CPQ: variants seen among roughly 807,000 people sequenced by gnomAD.
CPQ encodes the protein carboxypeptidase Q, also known as Ser-Met dipeptidase.
Under a neutral mutation model 45.7 loss-of-function variants are expected in CPQ, and 37 were observed. The observed-to-expected ratio is 0.81, with a 90% CI of 0.62 to 1.07. The LOEUF (loss-of-function observed/expected upper bound fraction) is 1.07. Ranked by LOEUF, CPQ falls within the 50% of genes least tolerant of loss-of-function variation. CPQ has a pLI of 0.00. For synonymous variants in CPQ, 186 were observed against 205.8 expected (o/e 0.90, Z 0.82); for missense variants, 537 against 572.9 (o/e 0.94, Z 0.64).
intron 6 of CPQ, among the ~76,000 whole-genome samples, chr8:97,053,618 G>C (rs926414011): frequency 6.6e-6 from 1 of 152,188 alleles, no homozygotes; most frequent in Non-Finnish European, 1.5e-5. Flanking sequence ...AGTAGGACAA[G>C]AAGTCAATAT....
In CPQ at chr8:97,099,115, C is replaced by CTTTTTTTTT. The variant is rs34830752; in HGVS notation, c.1255+32924_1255+32932dup. Among the ~76,000 whole-genome samples the CTTTTTTTTT allele has an allele frequency of 3.5e-4, 23 of 66,340 alleles. 2 individuals carry two copies. Among genetic ancestry groups the CTTTTTTTTT allele is most frequent in the African/African-American group, 5.5e-4 (9 of 16,260 alleles). The allele number at this position is 66,340 out of a possible 152,430, so 43.5% of individuals were successfully genotyped here. ...GAAGTCCCAAAACTCCCTTCTCTCT[C>CTTTTTTTTT]TTTTTTTTTTTTTTTTTTTTTTTTT... On this transcript the variant is annotated intron_variant, in intron 7 of 7. Transcript: ENST00000220763.
At chr8:96,733,074 A>G (rs548597398) in intron 1 of CPQ, among the ~76,000 whole-genome samples, 11 of 152,304 alleles carry the variant, frequency 7.2e-5, no homozygotes, top group Middle Eastern at 3.4e-3. Flanking sequence ...CTAAACAAAC[A>G]CAAAGGCATT....
At chr8:96,873,940 A>G (rs1051729258) in intron 3 of CPQ, among the ~76,000 whole-genome samples, 1 of 151,896 alleles carries the variant, frequency 6.6e-6, no homozygotes, top group Non-Finnish European at 1.5e-5. Context: ...ACTGCCTGAC[A>G]TGAAGGGAGT....
At chr8:96,762,821 T>C (rs1299857684) in intron 1 of CPQ, among the ~76,000 whole-genome samples, 1 of 152,208 alleles carries the variant, frequency 6.6e-6, no homozygotes, top group South Asian at 2.1e-4. Flanking sequence ...TAGAAGTTTT[T>C]ATGATTTAGA....
In CPQ at chr8:96,891,685, G is replaced by A. The variant is rs1449892001; in HGVS notation, c.849+11680G>A. 2.0e-5 allele frequency among the ~76,000 whole-genome samples: 3 copies of A among 152,272 alleles called. No individual in the cohort carries two copies. The East Asian group carries it at 5.8e-4, about 29-fold the overall frequency. On this transcript the variant is annotated intron_variant, in intron 4 of 7. Transcript: ENST00000220763. ...TTTCACAGTTTTTGACCACTCAGAG[G>A]TCCATCCTTAAAATTTTGTATATAC...
In CPQ at chr8:96,984,965, T is replaced by C. The variant is rs1001775571; in HGVS notation, c.961+18919T>C. 1.5e-4 allele frequency among the ~76,000 whole-genome samples: 23 copies of C among 152,222 alleles called. 1 individual carries two copies. The highest frequency in any genetic ancestry group is 2.6e-4 in the Admixed American group (4 of 15,278). On this transcript the variant is annotated intron_variant, in intron 5 of 7. Coordinates refer to ENST00000220763, the MANE Select transcript of CPQ (RefSeq NM_016134.4). Reference sequence around the variant, plus strand: ...TACCTTCTTCCTGAAGTAGGACTCATAGTAGTTCCTTTAATAGAGTTCTGT... The same window carrying C: ...TACCTTCTTCCTGAAGTAGGACTCACAGTAGTTCCTTTAATAGAGTTCTGT...
At chr8:96,791,993 T>G (rs909012700) in intron 2 of CPQ, among the ~76,000 whole-genome samples, 1 of 152,202 alleles carries the variant, frequency 6.6e-6, no homozygotes, top group Admixed American at 6.5e-5. Context: ...CAACTATATG[T>G]GATGGAGTAG....
chr8:96,842,946 C>T (rs188105587), intron 3 of CPQ, among the ~76,000 whole-genome samples: 10 of 152,010 alleles, frequency 6.6e-5, no homozygotes, highest in Admixed American at 5.9e-4. Flanking sequence ...CTCTTGTTGC[C>T]CAGGCTGCAG....
intron 7 of CPQ, among the ~76,000 whole-genome samples, chr8:97,140,067 A>G (rs529480123): frequency 6.6e-6 from 1 of 152,030 alleles, no homozygotes; most frequent in East Asian, 1.9e-4. Context: ...AAAAGAGGGC[A>G]TCACTATAGA....
At chr8:96,814,099 T>C (rs1051453045) in intron 2 of CPQ, among the ~76,000 whole-genome samples, 1 of 151,996 alleles carries the variant, frequency 6.6e-6, no homozygotes, top group African/African-American at 2.4e-5. Flanking sequence ...AATAACGTAT[T>C]TTGGGGGGCA....
At position 96,751,134 on chromosome 8, in the gene CPQ, T is replaced by C. The variant is rs183424423; in HGVS notation, c.-34-33730T>C. On this transcript the variant is annotated intron_variant, in intron 1 of 7. Transcript: ENST00000220763. ...ATCTTTATAATGGAATGATTTATAT[T>C]CCTTTGGTTATATACCCAGTAATGG... Among the ~76,000 whole-genome samples, 985 of 152,342 alleles carry C rather than the reference T, an allele frequency of 6.5e-3. 11 individuals are homozygous for C. Among genetic ancestry groups the C allele is most frequent in the African/African-American group, 0.022 (912 of 41,586 alleles).
intron 1 of CPQ, among the ~76,000 whole-genome samples, chr8:96,778,304 C>T (rs1309725317): frequency 6.6e-6 from 1 of 152,006 alleles, no homozygotes; most frequent in African/African-American, 2.4e-5. Flanking sequence ...TAATGAAAAA[C>T]TACCTTAGTT....
chr8:96,736,569 T>G (rs1288425725), intron 1 of CPQ, among the ~76,000 whole-genome samples: 1 of 152,206 alleles, frequency 6.6e-6, no homozygotes, highest in African/African-American at 2.4e-5. Flanking sequence ...CTGGTAAATG[T>G]GTATTGTTGC....
chr8:97,026,438 C>A (rs867805381), intron 5 of CPQ, among the ~76,000 whole-genome samples: 5 of 152,116 alleles, frequency 3.3e-5, no homozygotes, highest in Admixed American at 2.0e-4. Flanking sequence ...CTTTCTGTAC[C>A]CTACACCGTC....
intron 4 of CPQ, among the ~76,000 whole-genome samples, chr8:96,953,337 A>AC (rs1813299205): frequency 6.6e-6 from 1 of 152,016 alleles, no homozygotes; most frequent in Non-Finnish European, 1.5e-5. Context: ...TTGGCAGCTT[A>AC]TCCTCTGGGG....
At chr8:96,985,268 TG>T (rs1180781791) in intron 5 of CPQ, among the ~76,000 whole-genome samples, 1 of 123,082 alleles carries the variant, frequency 8.1e-6, no homozygotes, top group African/African-American at 3.6e-5. Flanking sequence ...GGAGCTCTTA[TG>T]TTTTTTTTTT....
At chr8:97,017,168 G>A (rs1193002331) in intron 5 of CPQ, among the ~76,000 whole-genome samples, 4 of 152,130 alleles carry the variant, frequency 2.6e-5, no homozygotes, top group African/African-American at 7.2e-5. Flanking sequence ...TCTAGAGTAC[G>A]GGAGAAGATT....
At chr8:96,700,058 T>G (rs946287983) in intron 1 of CPQ, among the ~76,000 whole-genome samples, 3 of 152,134 alleles carry the variant, frequency 2.0e-5, no homozygotes, top group Non-Finnish European at 4.4e-5. Flanking sequence ...GAGACTGGCT[T>G]CTCACTCCTG....
intron 1 of CPQ, among the ~76,000 whole-genome samples, chr8:96,743,361 C>T (rs1310015410): frequency 6.6e-6 from 1 of 151,524 alleles, no homozygotes; most frequent in Admixed American, 6.6e-5. Flanking sequence ...ATTGGTTATT[C>T]TAGTTATACA....
Sources: allele counts gnomAD v4.1 joint callset (sites outside exome capture counted in the v4.1 genomes callset), GRCh38; gene constraint gnomAD v4.1.1; transcripts MANE v1.5; gene names NCBI Gene and HGNC (gene_info 2026-07-23, HGNC 2026-07-21).